MAD1L1: variants seen among roughly 807,000 people sequenced by gnomAD.
The protein encoded by MAD1L1 is mitotic arrest deficient 1 like 1.
MAD1L1 carries 95 observed loss-of-function variants against 96.9 expected under a neutral mutation model. The ratio of observed to expected loss-of-function variants is 0.98; its 90% CI spans 0.83 to 1.16. The LOEUF (loss-of-function observed/expected upper bound fraction) is 1.16. MAD1L1 is among the 50% of genes most tolerant of loss of function. The pLI, the probability that MAD1L1 is intolerant of heterozygous loss-of-function variation, is 0.00. For synonymous variants in MAD1L1, 473 were observed against 396.6 expected (o/e 1.19, Z -2.29); for missense variants, 1,007 against 954.4 (o/e 1.06, Z -0.73).
At chr7:1,907,843 C>T (rs1308087976) in intron 17 of MAD1L1, among the ~76,000 whole-genome samples, 2 of 152,218 alleles carry the variant, frequency 1.3e-5, no homozygotes, top group Non-Finnish European at 2.9e-5. Flanking sequence ...GGGCCTGAGT[C>T]CAGGTGTGGA....
At chr7:2,152,510 A>G (rs1412024844) in intron 10 of MAD1L1, among the ~76,000 whole-genome samples, 1 of 152,206 alleles carries the variant, frequency 6.6e-6, no homozygotes, top group East Asian at 1.9e-4. Flanking sequence ...TTCCACTCAA[A>G]AGCACAAGCA....
rs565599675 is a variant in MAD1L1 at position 2,227,522 on chromosome 7, G to A, written c.151-1972C>T. ...TAGAGGCCAGGGAAGTTGTTAAACA[G>A]CCCACAATGCACAAGAAAGTCCTGA... On this transcript the variant is annotated intron_variant, in intron 3 of 18. Transcript: ENST00000265854. Among the ~76,000 whole-genome samples the A allele has an allele frequency of 7.3e-4, 111 of 152,222 alleles. 1 individual carries two copies. The highest frequency in any genetic ancestry group is 2.5e-3 in the African/African-American group (105 of 41,524).
At chr7:2,222,939 C>T (rs1004468956) in intron 4 of MAD1L1, among the ~76,000 whole-genome samples, 185 bp from the exon 5 acceptor site, 6 of 152,248 alleles carry the variant, frequency 3.9e-5, no homozygotes, top group Non-Finnish European at 5.9e-5. Flanking sequence ...GGCACCCCCG[C>T]TGTGGCACCA....
chr7:2,163,894 T>G (rs542274657), intron 10 of MAD1L1, among the ~76,000 whole-genome samples: 40 of 152,130 alleles, frequency 2.6e-4, no homozygotes, highest in African/African-American at 8.4e-4. Flanking sequence ...TAAATAGTCT[T>G]GTTTTCAAAA....
At chr7:2,082,835 G>A (rs1257909463) in intron 11 of MAD1L1, among the ~76,000 whole-genome samples, 3 of 152,218 alleles carry the variant, frequency 2.0e-5, no homozygotes, top group Non-Finnish European at 4.4e-5. Flanking sequence ...TGCGCCGCAC[G>A]ACCACTCCAG....
At chr7:2,092,053 A>G (rs1786243479) in intron 11 of MAD1L1, among the ~76,000 whole-genome samples, 4 of 152,194 alleles carry the variant, frequency 2.6e-5, no homozygotes, top group African/African-American at 9.7e-5. Flanking sequence ...TGGCTTTGTA[A>G]AAAGCTGCCA....
intron 10 of MAD1L1, among the ~76,000 whole-genome samples, chr7:2,191,368 C>T (rs1791707704): frequency 6.6e-6 from 1 of 152,124 alleles, no homozygotes. Context: ...AGGAACATGG[C>T]CCTTTGGAAA....
chr7:2,152,393 C>A (rs113544747), intron 10 of MAD1L1, among the ~76,000 whole-genome samples: 13 of 152,218 alleles, frequency 8.5e-5, no homozygotes, highest in Non-Finnish European at 2.9e-5. Flanking sequence ...CAGAAGGAAT[C>A]CCTCCCTTCG....
At chr7:2,137,124 C>A (rs150909935) in intron 11 of MAD1L1, among the ~76,000 whole-genome samples, 1 of 152,314 alleles carries the variant, frequency 6.6e-6, no homozygotes, top group East Asian at 1.9e-4. Context: ...CTCACACAAA[C>A]CCCTTCAAAA....
intron 16 of MAD1L1, among the ~76,000 whole-genome samples, chr7:1,939,206 AC>A (rs1228408591): frequency 8.0e-5 from 11 of 137,296 alleles, no homozygotes; most frequent in African/African-American, 3.0e-4. Context: ...ACACACACAC[AC>A]ACACACACGG....
chr7:1,898,243 G>A lies in MAD1L1; in HGVS notation c.1955C>T (p.Thr652Ile). Residue 652 changes from threonine to isoleucine, a missense_variant, in exon 18 of 19, where the codon ACC (threonine) becomes ATC (isoleucine). By Grantham distance (89) the Thr-to-Ile change is moderately conservative (BLOSUM62 -1). Transcript: ENST00000265854. ...GCCTGGGTGCTCGGCGTACAGCGAGGTCAGCCGGTACTGGTTCTCCGTGGT... is the reference window on the plus strand; with the variant it reads ...GCCTGGGTGCTCGGCGTACAGCGAGATCAGCCGGTACTGGTTCTCCGTGGT... ...DITTENQYRL[T>I]SLYAEHPGDC... 1 of 1,614,002 alleles carries A rather than the reference G, an allele frequency of 6.2e-7. No individual in the cohort carries two copies. The highest frequency in any genetic ancestry group is 1.1e-5 in the South Asian group (1 of 91,050).
chr7:1,816,121 G>C lies in MAD1L1; in HGVS notation c.2106C>G (p.Ala702=), dbSNP rs1384258413. Residue 702 remains alanine (A), a synonymous_variant, in exon 19 of 19, where the codon GCC becomes GCG. Coordinates refer to ENST00000265854, the MANE Select transcript of MAD1L1 (RefSeq NM_001013836.2). The part of the protein sequence containing the change: ...VHLRRQDSIP[A]FLSSLTLELF... ...GCTCGAGGGTGAGCGAGCTGAGGAA[G>C]GCAGGGATGCTGTCCTGGCGCCGCA... is the stretch of plus-strand genomic sequence containing the variant. 6.2e-7 allele frequency: 1 copy of C among 1,612,992 alleles called. No individual in the cohort carries two copies. The highest frequency in any genetic ancestry group is 2.2e-5 in the East Asian group (1 of 44,880).
chr7:1,867,056 G>A (rs1583597187), intron 18 of MAD1L1, among the ~76,000 whole-genome samples: 1 of 152,210 alleles, frequency 6.6e-6, no homozygotes, highest in East Asian at 1.9e-4. Flanking sequence ...GCACCTGCTG[G>A]CCCAGTGGGT....
intron 11 of MAD1L1, among the ~76,000 whole-genome samples, chr7:2,082,834 C>A (rs886845850): frequency 6.6e-6 from 1 of 152,234 alleles, no homozygotes; most frequent in Admixed American, 6.5e-5. Flanking sequence ...GTGCGCCGCA[C>A]GACCACTCCA....
At chr7:2,080,018 A>T (rs1053218079) in intron 11 of MAD1L1, 1 of 303,020 alleles carries the variant, frequency 3.3e-6, no homozygotes, top group African/African-American at 2.2e-5. Flanking sequence ...GCGTCCGTCA[A>T]CCCTGTCAGC....
chr7:1,914,065 G>C (rs1788199845), intron 17 of MAD1L1, among the ~76,000 whole-genome samples: 1 of 152,174 alleles, frequency 6.6e-6, no homozygotes, highest in Non-Finnish European at 1.5e-5. Flanking sequence ...TGCAAGCCCA[G>C]GCACCGCGTC....
At chr7:2,049,561 C>T (rs1784075549) in intron 12 of MAD1L1, among the ~76,000 whole-genome samples, 1 of 152,210 alleles carries the variant, frequency 6.6e-6, no homozygotes, top group Non-Finnish European at 1.5e-5. Flanking sequence ...TCACCTAGTC[C>T]GCCCAGGGGC....
chr7:1,957,626 C>G lies in MAD1L1; in HGVS notation c.1596+3G>C. On this transcript the variant is annotated splice_donor_region_variant and intron_variant, in intron 16 of 18. Coordinates refer to ENST00000265854, the MANE Select transcript of MAD1L1 (RefSeq NM_001013836.2). ...CCTCACCCAGAGGCTGCCCCGCCCT[C>G]ACCTGCAGAGCTCGCCGCTCCAGCT... The G allele has an allele frequency of 6.2e-6, 10 of 1,613,800 alleles. No homozygotes were observed. Among genetic ancestry groups the G allele is most frequent in the Non-Finnish European group, 8.5e-6 (10 of 1,179,994 alleles).
At chr7:1,944,004 ACATGGGTGAACCTTGAAC>A in intron 16 of MAD1L1, among the ~76,000 whole-genome samples, 1 of 152,340 alleles carries the variant, frequency 6.6e-6, no homozygotes, top group South Asian at 2.1e-4. Flanking sequence ...ACCTATGACC[ACATGGGTGAACCTTGAAC>A]AAGGGAAGTG....
Sources: gnomAD v4.1 joint callset for allele counts (sites outside exome capture counted in the v4.1 genomes callset) on GRCh38, gnomAD v4.1.1 for gene constraint, MANE v1.5 for transcripts, NCBI Gene and HGNC (gene_info 2026-07-23, HGNC 2026-07-21) for gene names.